PLCB1: variants seen among roughly 807,000 people sequenced by gnomAD.
PLCB1 encodes the protein phospholipase C beta 1, also known as 1-phosphatidylinositol 4,5-bisphosphate phosphodiesterase beta-1.
In PLCB1, 46 loss-of-function variants were observed where a neutral mutation model predicts 161.8. The observed-to-expected ratio is 0.28, with a 90% CI of 0.22 to 0.36. The LOEUF is 0.36. PLCB1 is among the 10% of genes least tolerant of loss of function. PLCB1 has a pLI of 1.00. For missense variants in PLCB1, 1,016 were observed against 1,472.5 expected, an observed-to-expected ratio of 0.69 and a Z score of 5.07; for synonymous variants, 517 against 503.7, an observed-to-expected ratio of 1.03 and a Z score of -0.35.
chr20:8,376,486 G>A (rs1337772026), intron 3 of PLCB1, among the ~76,000 whole-genome samples: 3 of 152,092 alleles, frequency 2.0e-5, no homozygotes, highest in African/African-American at 7.2e-5. Context: ...GATATTCAAT[G>A]ACAGAAGTCA....
intron 2 of PLCB1, among the ~76,000 whole-genome samples, chr20:8,313,778 A>T (rs1248808628): frequency 6.6e-6 from 1 of 152,072 alleles, no homozygotes; most frequent in Non-Finnish European, 1.5e-5. Context: ...TGTTTCTTGG[A>T]ATATCTGTTT....
chr20:8,449,301 A>G (rs1600408732), intron 3 of PLCB1, among the ~76,000 whole-genome samples: 1 of 152,138 alleles, frequency 6.6e-6, no homozygotes, highest in Admixed American at 6.5e-5. Context: ...GACACTAAAC[A>G]CTCTTGGCTA....
chr20:8,754,944 G>T (rs1981667455), intron 23 of PLCB1, among the ~76,000 whole-genome samples: 1 of 152,196 alleles, frequency 6.6e-6, no homozygotes, highest in Non-Finnish European at 1.5e-5. Context: ...ATTCTAGGGA[G>T]AATTTTTCTG....
At chr20:8,790,421 A>C (rs535344213) in intron 31 of PLCB1, among the ~76,000 whole-genome samples, 160 bp downstream of exon 31, 144 of 152,314 alleles carry the variant, frequency 9.5e-4, no homozygotes, top group African/African-American at 3.4e-3. Context: ...AAATATAGCA[A>C]TATTCAGTAA....
At chr20:8,745,092 G>C (rs1204897380) in intron 23 of PLCB1, among the ~76,000 whole-genome samples, 3 of 152,020 alleles carry the variant, frequency 2.0e-5, no homozygotes, top group African/African-American at 7.2e-5. Context: ...AGTCTATATT[G>C]GTCTAATAGA....
chr20:8,279,995 G>A (rs557712392), intron 2 of PLCB1, among the ~76,000 whole-genome samples: 1 of 152,218 alleles, frequency 6.6e-6, no homozygotes, highest in South Asian at 2.1e-4. Context: ...TTGTTTAGCT[G>A]TACATTTCTT....
At chr20:8,583,036 CATT>C (rs1986884596) in intron 3 of PLCB1, among the ~76,000 whole-genome samples, 2 of 85,082 alleles carry the variant, frequency 2.4e-5, no homozygotes, top group East Asian at 7.7e-4. Context: ...CATGCTCCAA[CATT>C]GATGAACCTT....
rs188522076 is a variant in PLCB1 at position 8,686,144 on chromosome 20, A to G, written c.1009+1066A>G. 2.6e-5 allele frequency among the ~76,000 whole-genome samples: 4 copies of G among 152,332 alleles called. No homozygotes were observed. The East Asian group carries it at 5.8e-4, about 22-fold the overall frequency. On this transcript the variant is annotated intron_variant, in intron 10 of 31. Transcript: ENST00000338037. ...ATCTTGCTAGTGACTTGTAAACTACATACTTAACTGAAGAGAATGTTAAAT... is the reference window on the plus strand; with the variant it reads ...ATCTTGCTAGTGACTTGTAAACTACGTACTTAACTGAAGAGAATGTTAAAT...
At chr20:8,591,623 T>G (rs900317322) in intron 3 of PLCB1, among the ~76,000 whole-genome samples, 3 of 152,164 alleles carry the variant, frequency 2.0e-5, no homozygotes, top group Non-Finnish European at 4.4e-5. Context: ...CCCAGGGCAC[T>G]TAAGAGACGT....
At chr20:8,227,996 A>G (rs1979788508) in intron 2 of PLCB1, among the ~76,000 whole-genome samples, 1 of 152,156 alleles carries the variant, frequency 6.6e-6, no homozygotes, top group South Asian at 2.1e-4. Flanking sequence ...ATCCCTCATA[A>G]AATCTAATGA....
intron 3 of PLCB1, among the ~76,000 whole-genome samples, chr20:8,561,852 T>C (rs537741411): frequency 6.6e-6 from 1 of 152,136 alleles, no homozygotes; most frequent in East Asian, 1.9e-4. Context: ...CTCTATAAAA[T>C]TAAGAATGTT....
chr20:8,538,794 A>C (rs1985154904), intron 3 of PLCB1, among the ~76,000 whole-genome samples: 1 of 144,244 alleles, frequency 6.9e-6, no homozygotes, highest in South Asian at 2.2e-4. Flanking sequence ...TTTACAGCTA[A>C]CTTTTTTTTT....
In PLCB1 at chr20:8,672,589, T is replaced by TA. The variant is rs1228808291; in HGVS notation, c.863-12342dup. Among the ~76,000 whole-genome samples, 10 of 152,226 alleles carry TA rather than the reference T, an allele frequency of 6.6e-5. No individual in the cohort carries two copies. In the East Asian group the frequency reaches 1.9e-3, roughly 30 times the overall value. On this transcript the variant is annotated intron_variant, in intron 9 of 31. Transcript: ENST00000338037. ...TCCTAGCTAACCATCCAGATATGCA[T>TA]ACCGAGCAGGGAAGAGCCTCAGTGG...
chr20:8,507,818 A>G (rs982581343), intron 3 of PLCB1, among the ~76,000 whole-genome samples: 10 of 152,234 alleles, frequency 6.6e-5, no homozygotes, highest in African/African-American at 2.2e-4. Flanking sequence ...CAAGATAAAT[A>G]TAATACAAAA....
intron 10 of PLCB1, among the ~76,000 whole-genome samples, chr20:8,695,004 T>C (rs958351401): frequency 6.6e-6 from 1 of 152,208 alleles, no homozygotes; most frequent in Non-Finnish European, 1.5e-5. Context: ...GAAAAGACCT[T>C]TGTAAATCTT....
At chr20:8,239,427 G>A (rs1281029357) in intron 2 of PLCB1, among the ~76,000 whole-genome samples, 3 of 151,978 alleles carry the variant, frequency 2.0e-5, no homozygotes, top group Non-Finnish European at 4.4e-5. Flanking sequence ...TAAGGAATAG[G>A]CACCAGCTTA....
At chr20:8,338,091 G>A (rs943851984) in intron 2 of PLCB1, among the ~76,000 whole-genome samples, 1 of 152,162 alleles carries the variant, frequency 6.6e-6, no homozygotes, top group African/African-American at 2.4e-5. Flanking sequence ...GAAGGCAGTG[G>A]CGGTACTTCC....
At chr20:8,469,776 G>A (rs1309681264) in intron 3 of PLCB1, among the ~76,000 whole-genome samples, 2 of 152,124 alleles carry the variant, frequency 1.3e-5, no homozygotes, top group African/African-American at 4.8e-5. Context: ...GCATTATTAA[G>A]ATATAATTCA....
intron 31 of PLCB1, chr20:8,792,653 G>A (rs1983819282): frequency 2.1e-6 from 1 of 470,626 alleles, no homozygotes; most frequent in South Asian, 1.6e-5. Context: ...TTTTGTGTCT[G>A]GATTTGAAGG....
Sources: gnomAD v4.1 joint callset for allele counts (sites outside exome capture counted in the v4.1 genomes callset) on GRCh38, gnomAD v4.1.1 for gene constraint, MANE v1.5 for transcripts, NCBI Gene and HGNC (gene_info 2026-07-23, HGNC 2026-07-21) for gene names.